RCC1L: variants seen among roughly 807,000 people sequenced by gnomAD.
The protein encoded by RCC1L is RCC1-like G exchanging factor-like protein.
Under a neutral mutation model 58.6 loss-of-function variants are expected in RCC1L, and 46 were observed. The observed-to-expected ratio is 0.79, with a 90% CI of 0.62 to 1.00. RCC1L has a LOEUF of 1.00. Among genes scored for constraint, RCC1L ranks in the 50% least tolerant of loss-of-function variants. RCC1L has a pLI of 0.00. For synonymous variants in RCC1L, 281 were observed against 262.9 expected (o/e 1.07, Z -0.67); for missense variants, 636 against 623.6 (o/e 1.02, Z -0.21).
chr7:75,065,082 C>T (rs1377694565), intron 3 of RCC1L, among the ~76,000 whole-genome samples: 9 of 152,100 alleles, frequency 5.9e-5, no homozygotes, highest in African/African-American at 1.9e-4. Flanking sequence ...AGAAGCACCT[C>T]TGCCCAGCCG....
At chr7:75,062,216 C>G (rs1262795869) in intron 5 of RCC1L, among the ~76,000 whole-genome samples, 3 of 150,404 alleles carry the variant, frequency 2.0e-5, no homozygotes, top group Non-Finnish European at 4.4e-5. Flanking sequence ...CACAAAGTCA[C>G]TCAGTCTAAT....
chr7:75,063,142 C>A, intron 5 of RCC1L, 150 bp downstream of exon 5: 1 of 877,036 alleles, frequency 1.1e-6, no homozygotes, highest in Non-Finnish European at 1.9e-6. Context: ...TAGCATAAAT[C>A]CTGGCCTATA....
Position 75,073,541 on chromosome 7 carries a change from A to C in RCC1L, c.197T>G (p.Phe66Cys). 1 of 1,497,992 alleles carries C rather than the reference A, an allele frequency of 6.7e-7. No individual in the cohort carries two copies. The highest frequency in any genetic ancestry group is 8.8e-7 in the Non-Finnish European group (1 of 1,132,494). 92.8% of individuals were successfully genotyped at this position (1,497,992 alleles called of 1,614,324 possible). Residue 66 changes from phenylalanine to cysteine, a missense_variant, in exon 1 of 11, where the codon TTC becomes TGC. Coordinates refer to ENST00000610322, the MANE Select transcript of RCC1L (RefSeq NM_030798.5). ...CACGCCCAGCGCCCCCGAGAAGCTG[A>C]AGCCCCACACGAAGACGCGATCGGC... The part of the protein sequence containing the change: ...ARADRVFVWG[F>C]SFSGALGVPS...
Position 75,070,498 on chromosome 7 carries a change from G to A in RCC1L, c.454+142C>T, listed in dbSNP as rs1227511789. 2.4e-5 allele frequency: 26 copies of A among 1,090,810 alleles called. 1 individual carries two copies. The highest frequency in any genetic ancestry group is 1.8e-4 in the South Asian group (11 of 59,678). 67.6% of individuals were successfully genotyped at this position (1,090,810 alleles called of 1,614,324 possible). On this transcript the variant is annotated intron_variant, in intron 2 of 10. Transcript: ENST00000610322. ...AGGCAGGAGAATCACTTGAACCCGG[G>A]AGGTGGAGGTTGCAGTGAGCCAGGA... is the stretch of plus-strand genomic sequence containing the variant.
At chr7:75,066,844 T>C (rs1806510063) in intron 2 of RCC1L, 52 bp from the exon 3 acceptor site, 6 of 1,572,220 alleles carry the variant, frequency 3.8e-6, no homozygotes, top group Non-Finnish European at 4.3e-6. Context: ...CCACTGGAAA[T>C]CATACTGTCC....
intron 10 of RCC1L, among the ~76,000 whole-genome samples, chr7:75,033,071 CAAAAAA>C (rs71098024): frequency 2.9e-5 from 2 of 70,138 alleles, no homozygotes; most frequent in South Asian, 5.7e-4. Flanking sequence ...GACTTTGTCT[CAAAAAA>C]AAAAAAAAAA....
chr7:75,041,241 A>ACT (rs1554442227), downstream of RCC1L, among the ~76,000 whole-genome samples: 86 of 150,926 alleles, frequency 5.7e-4, no homozygotes, highest in Middle Eastern at 3.4e-3. Flanking sequence ...TAACTAACTA[A>ACT]ATAAATAAAG....
rs941821761 is a variant in RCC1L, at chr7:75,050,389, C to T, written c.1317+2322G>A. On this transcript the variant is annotated intron_variant, in intron 10 of 10. Transcript: ENST00000610322. ...GACCCAGATGGAATGTCAACGGGAT[C>T]GGGCTCCGGCCACTCCCTGCCCGCA... Among the ~76,000 whole-genome samples, 44 of 152,306 alleles carry T rather than the reference C, an allele frequency of 2.9e-4. 1 individual carries two copies. In the East Asian group the frequency reaches 8.3e-3, roughly 29 times the overall value.
chr7:75,073,269 T>A (rs1325221641), intron 1 of RCC1L, 145 bp downstream of exon 1: 4 of 447,922 alleles, frequency 8.9e-6, no homozygotes, highest in Non-Finnish European at 1.5e-5. Context: ...CTTCCCCTCC[T>A]GGGCTTGCAG....
intron 9 of RCC1L, among the ~76,000 whole-genome samples, 165 bp from the exon 10 acceptor site, chr7:75,052,961 C>A (rs1371737033): frequency 2.0e-5 from 3 of 151,570 alleles, no homozygotes; most frequent in African/African-American, 7.3e-5. Flanking sequence ...AAGTAAGGGT[C>A]TGAGATGCTG....
rs1805606965 is a variant in RCC1L, at chr7:75,042,846, G to C, written c.*186C>G. 2 of 1,450,814 alleles carry C rather than the reference G, an allele frequency of 1.4e-6. No individual in the cohort carries two copies. Among genetic ancestry groups the C allele is most frequent in the Admixed American group, 5.5e-5 (2 of 36,588 alleles). The allele number at this position is 1,450,814 out of a possible 1,614,324, so 89.9% of individuals were successfully genotyped here. A position where few individuals can be genotyped will look rare whatever the true frequency, so the allele number is the denominator to read the frequency against. ...GTTCCGCAGGCCTCACCTGCAGCTG[G>C]AGAGGGACCTTGCCCTGATCCTCCT... On this transcript the variant is annotated 3_prime_UTR_variant, in exon 11 of 11. Transcript: ENST00000610322.
chr7:75,056,534 T>C (rs949010981), intron 8 of RCC1L: 1 of 1,520,200 alleles, frequency 6.6e-7, no homozygotes, highest in Non-Finnish European at 8.8e-7. Flanking sequence ...GAAAGTTTAA[T>C]ATTCATCAGT....
At position 75,043,076 on chromosome 7, in the gene RCC1L, A is replaced by T; in HGVS notation, c.1351T>A (p.Cys451Ser). ...AGGGTCACCATGTGGTCCACGCCAC[A>T]TGCCACGTCCACAGGCTCCCCAGGC... ...TMPGEPVDVA[C>S]GVDHMVTLAK... is the part of the protein sequence containing the mutation. Residue 451 changes from cysteine (C) to serine (S), a missense_variant, in exon 11 of 11, where the codon TGT (cysteine) becomes AGT (serine). By Grantham distance (112) the Cys-to-Ser change is moderately radical (BLOSUM62 -1). Transcript: ENST00000610322. 6.2e-7 allele frequency: 1 copy of T among 1,614,032 alleles called. No individual in the cohort carries two copies. The highest frequency in any genetic ancestry group is 8.5e-7 in the Non-Finnish European group (1 of 1,179,880).
At chr7:75,049,988 G>A (rs975776073) in intron 10 of RCC1L, among the ~76,000 whole-genome samples, 118 of 152,202 alleles carry the variant, frequency 7.8e-4, no homozygotes, top group African/African-American at 2.7e-3. Flanking sequence ...GAGGACAGGG[G>A]TCGAGGCCAC....
At chr7:75,041,271 C>T (rs1358252849), downstream of RCC1L, among the ~76,000 whole-genome samples, 2 of 152,072 alleles carry the variant, frequency 1.3e-5, no homozygotes, top group Non-Finnish European at 2.9e-5. Flanking sequence ...CCCGAGATCC[C>T]ATCCTCTCCT....
Position 75,042,412 on chromosome 7 carries a change from C to A in RCC1L, c.*620G>T, listed in dbSNP as rs1584488278. 1 of 986,156 alleles carries A rather than the reference C, an allele frequency of 1.0e-6. No homozygotes were observed. The highest frequency in any genetic ancestry group is 1.1e-4 in the East Asian group (1 of 8,816). The allele number at this position is 986,156 out of a possible 1,614,324, so 61.1% of individuals were successfully genotyped here. On this transcript the variant is annotated 3_prime_UTR_variant, in exon 11 of 11. Transcript: ENST00000610322. ...GAGGGGCTTCTTAACTTTTCCAAGCCAGGCAGTGAGCGTGGTGGGAGGCTG... is the reference window on the plus strand; with the variant it reads ...GAGGGGCTTCTTAACTTTTCCAAGCAAGGCAGTGAGCGTGGTGGGAGGCTG...
In RCC1L at chr7:75,073,467, G is replaced by A; in HGVS notation, c.271C>T (p.Arg91Ter). 1 of 1,376,288 alleles carries A rather than the reference G, an allele frequency of 7.3e-7. No homozygotes were observed. The highest frequency in any genetic ancestry group is 9.3e-7 in the Non-Finnish European group (1 of 1,070,364). The allele number at this position is 1,376,288 out of a possible 1,614,324, so 85.3% of individuals were successfully genotyped here. ...ACGGGCTGGATCCTGCGGCGCGGTC[G>A]GGCGCCGGCGCGGGGCCCGGGCCCG... Reference protein sequence around the residue: ...SSGPGPRAGARPRRRIQPVPY... With the variant: ...SSGPGPRAGA The change falls in exon 1 of 11, where the codon CGA (arginine) becomes TGA (stop). Residue 91 changes from arginine to a stop codon, truncating the protein, a stop_gained. Coordinates refer to ENST00000610322, the MANE Select transcript of RCC1L (RefSeq NM_030798.5). LOFTEE classifies it high-confidence loss of function.
In RCC1L at chr7:75,054,000, T is replaced by G. The variant is rs912034602; in HGVS notation, c.1232-1204A>C. Among the ~76,000 whole-genome samples the G allele has an allele frequency of 8.5e-5, 13 of 152,266 alleles. No homozygotes were observed. In the South Asian group the frequency reaches 2.7e-3, roughly 32 times the overall value. On this transcript the variant is annotated intron_variant, in intron 9 of 10. Transcript: ENST00000610322. ...TCACTGCAGCCTTGAACTCTCAAAC[T>G]CAAGCAGTCCTTCCACCTCAGCCTC...
chr7:75,039,327 C>G (rs900047522), downstream of RCC1L, among the ~76,000 whole-genome samples: 12 of 152,380 alleles, frequency 7.9e-5, no homozygotes, highest in African/African-American at 2.9e-4. Flanking sequence ...GTGCCCGAGC[C>G]TTCTCTTTAG....
Sources: gnomAD v4.1 joint callset for allele counts (sites outside exome capture counted in the v4.1 genomes callset) on GRCh38, gnomAD v4.1.1 for gene constraint, MANE v1.5 for transcripts, NCBI Gene and HGNC (gene_info 2026-07-23, HGNC 2026-07-21) for gene names.